NUBPL: variants seen among roughly 807,000 people sequenced by gnomAD.
NUBPL encodes NUBP iron-sulfur cluster assembly factor, mitochondrial.
A neutral mutation model predicts 45.7 loss-of-function variants in NUBPL; 31 were observed. The observed-to-expected ratio is 0.68, with a 90% CI of 0.51 to 0.92. The LOEUF is 0.92. Among genes scored for constraint, NUBPL ranks in the 40% least tolerant of loss-of-function variants. The pLI, the probability that NUBPL is intolerant of heterozygous loss-of-function variation, is 0.00. For missense variants in NUBPL, 401 were observed against 398.7 expected, an observed-to-expected ratio of 1.01 and a Z score of -0.05; for synonymous variants, 144 against 140.9, an observed-to-expected ratio of 1.02 and a Z score of -0.15.
intron 4 of NUBPL, among the ~76,000 whole-genome samples, chr14:31,645,352 C>A (rs1387101182): frequency 1.3e-5 from 2 of 152,064 alleles, no homozygotes; most frequent in Admixed American, 6.6e-5. Context: ...AGGCGTGAGC[C>A]ACTGCACCCA....
At chr14:31,608,698 C>T (rs1182950955) in intron 4 of NUBPL, among the ~76,000 whole-genome samples, 1 of 152,186 alleles carries the variant, frequency 6.6e-6, no homozygotes, top group Non-Finnish European at 1.5e-5. Flanking sequence ...GTGTAATCTA[C>T]TCTTATCCTA....
intron 8 of NUBPL, among the ~76,000 whole-genome samples, chr14:31,829,561 T>C (rs915281865): frequency 7.2e-5 from 11 of 152,218 alleles, no homozygotes; most frequent in Admixed American, 5.2e-4. Flanking sequence ...AGTAAAGGAT[T>C]TGAAATTATT....
intron 6 of NUBPL, among the ~76,000 whole-genome samples, chr14:31,694,607 C>G (rs2037173189): frequency 6.6e-6 from 1 of 152,198 alleles, no homozygotes; most frequent in Non-Finnish European, 1.5e-5. Context: ...CCTCCGCCTC[C>G]TGGGTTCAAG....
At chr14:31,784,046 T>A (rs2039242282) in intron 6 of NUBPL, among the ~76,000 whole-genome samples, 1 of 152,088 alleles carries the variant, frequency 6.6e-6, no homozygotes, top group South Asian at 2.1e-4. Flanking sequence ...ATCAAAAGGA[T>A]CAGAATCCAG....
chr14:31,575,104 C>T (rs999859739), intron 3 of NUBPL, among the ~76,000 whole-genome samples: 4 of 152,018 alleles, frequency 2.6e-5, no homozygotes, highest in African/African-American at 9.7e-5. Flanking sequence ...CTTATTCTTC[C>T]TAGATGTACT....
intron 3 of NUBPL, among the ~76,000 whole-genome samples, chr14:31,580,371 C>T (rs925002510): frequency 1.3e-5 from 2 of 152,048 alleles, no homozygotes; most frequent in African/African-American, 4.8e-5. Flanking sequence ...GCCTTTAATC[C>T]CAGCAACTTA....
Position 31,859,312 on chromosome 14 carries a change from A to G in NUBPL, c.*132A>G, listed in dbSNP as rs933584560. 51 of 795,750 alleles carry G rather than the reference A, an allele frequency of 6.4e-5. No homozygotes were observed. The highest frequency in any genetic ancestry group is 4.8e-4 in the Middle Eastern group (2 of 4,162). The allele number at this position is 795,750 out of a possible 1,614,324, so 49.3% of individuals were successfully genotyped here. On this transcript the variant is annotated 3_prime_UTR_variant, in exon 11 of 11. Transcript: ENST00000281081. ...TTATTTCTAAGGAAAGAATGTCTTCATATTTGACTTGCTAAGCTAAGGTTC... is the reference window on the plus strand; with the variant it reads ...TTATTTCTAAGGAAAGAATGTCTTCGTATTTGACTTGCTAAGCTAAGGTTC...
chr14:31,694,702 G>A (rs538259115), intron 6 of NUBPL, among the ~76,000 whole-genome samples: 53 of 152,252 alleles, frequency 3.5e-4, no homozygotes, highest in Non-Finnish European at 6.6e-4. Flanking sequence ...TTTTAGTAGA[G>A]ACGGGGTTTC....
At chr14:31,813,577 T>C (rs959209773) in intron 7 of NUBPL, among the ~76,000 whole-genome samples, 1 of 152,034 alleles carries the variant, frequency 6.6e-6, no homozygotes, top group Admixed American at 6.6e-5. Context: ...GGGATACATG[T>C]GCAGAACATG....
At chr14:31,755,157 A>G (rs2038629629) in intron 6 of NUBPL, among the ~76,000 whole-genome samples, 1 of 152,092 alleles carries the variant, frequency 6.6e-6, no homozygotes, top group South Asian at 2.1e-4. Flanking sequence ...CGCAATAAAC[A>G]TACGTGTGCA....
At chr14:31,831,231 C>T (rs775534134) in intron 8 of NUBPL, among the ~76,000 whole-genome samples, 67 of 151,498 alleles carry the variant, frequency 4.4e-4, no homozygotes, top group Non-Finnish European at 7.5e-4. Context: ...TTAGTAGAGG[C>T]GGGGTTTCAC....
intron 4 of NUBPL, among the ~76,000 whole-genome samples, chr14:31,631,766 G>A (rs565249637): frequency 2.7e-5 from 4 of 150,608 alleles, no homozygotes; most frequent in East Asian, 2.0e-4. Flanking sequence ...TTCCACCCCC[G>A]TTTTTTTTTC....
intron 6 of NUBPL, among the ~76,000 whole-genome samples, chr14:31,785,994 C>CA (rs768963335): frequency 4.0e-4 from 61 of 151,902 alleles, no homozygotes; most frequent in Non-Finnish European, 8.1e-4. Context: ...CCTGTCTCTA[C>CA]AAAAAATACA....
intron 6 of NUBPL, among the ~76,000 whole-genome samples, chr14:31,738,139 G>C (rs2038203014): frequency 6.6e-6 from 1 of 152,096 alleles, no homozygotes; most frequent in African/African-American, 2.4e-5. Context: ...AACATATTCT[G>C]CACAAAGTAT....
chr14:31,671,598 C>T (rs1029874290), intron 4 of NUBPL, among the ~76,000 whole-genome samples: 9 of 152,008 alleles, frequency 5.9e-5, no homozygotes, highest in African/African-American at 1.2e-4. Flanking sequence ...TATTGCCAAC[C>T]GTGATAGCGA....
intron 4 of NUBPL, among the ~76,000 whole-genome samples, chr14:31,622,189 G>A (rs1330861375): frequency 1.3e-5 from 2 of 152,110 alleles, no homozygotes; most frequent in Non-Finnish European, 2.9e-5. Context: ...AGGATATCTG[G>A]CAGAAGAAAT....
chr14:31,818,157 A>G lies in NUBPL; in HGVS notation c.608-8472A>G, dbSNP rs999846881. Reference sequence around the variant, plus strand: ...ATATGCACCCAATAAAGGAGCACCCAGATTCATGTAGAGACCTACAAAGAG... The same window carrying G: ...ATATGCACCCAATAAAGGAGCACCCGGATTCATGTAGAGACCTACAAAGAG... On this transcript the variant is annotated intron_variant, in intron 7 of 10. Transcript: ENST00000281081. 2.0e-5 allele frequency among the ~76,000 whole-genome samples: 3 copies of G among 152,120 alleles called. 1 individual carries two copies. The highest frequency in any genetic ancestry group is 3.9e-4 in the East Asian group (2 of 5,194).
chr14:31,600,119 G>A (rs1486952326), intron 4 of NUBPL, among the ~76,000 whole-genome samples: 1 of 151,546 alleles, frequency 6.6e-6, no homozygotes, highest in Non-Finnish European at 1.5e-5. Context: ...ATGGGGTTTC[G>A]CCATGTTGGT....
intron 4 of NUBPL, among the ~76,000 whole-genome samples, chr14:31,630,569 A>G (rs1289172788): frequency 6.6e-6 from 1 of 152,140 alleles, no homozygotes; most frequent in Non-Finnish European, 1.5e-5. Context: ...TTCAAAGCCT[A>G]AAATATTTAT....
Sources: gnomAD v4.1 joint callset for allele counts (sites outside exome capture counted in the v4.1 genomes callset) on GRCh38, gnomAD v4.1.1 for gene constraint, MANE v1.5 for transcripts, NCBI Gene and HGNC (gene_info 2026-07-23, HGNC 2026-07-21) for gene names.